The following RMND5A variants were observed in gnomAD, a reference collection of about 807,000 sequenced individuals.
RMND5A encodes the protein E3 ubiquitin-protein transferase RMND5A.
RMND5A carries 17 observed loss-of-function variants against 49.7 expected under a neutral mutation model. The observed-to-expected ratio is 0.34, with a 90% CI of 0.23 to 0.51. The LOEUF (loss-of-function observed/expected upper bound fraction) is 0.51, where lower values mean the gene tolerates loss of function less well. Ranked by LOEUF, RMND5A falls within the 20% of genes least tolerant of loss-of-function variation. The pLI is 0.96. For synonymous variants in RMND5A, 156 were observed against 167.7 expected (o/e 0.93, Z 0.54); for missense variants, 255 against 471.3 (o/e 0.54, Z 4.25).
At chr2:86,758,984 C>G (rs978776028) in intron 4 of RMND5A, among the ~76,000 whole-genome samples, 1 of 152,188 alleles carries the variant, frequency 6.6e-6, no homozygotes, top group Non-Finnish European at 1.5e-5. Flanking sequence ...GCTTTTACCC[C>G]CAAGAGTATA....
intron 4 of RMND5A, among the ~76,000 whole-genome samples, chr2:86,756,471 CTG>C (rs1222024480): frequency 2.6e-5 from 4 of 152,318 alleles, no homozygotes; most frequent in Admixed American, 2.6e-4. Flanking sequence ...AGTGTTTTCT[CTG>C]TGTATTTGAC....
At chr2:86,721,445 A>G (rs913622520) in intron 1 of RMND5A, among the ~76,000 whole-genome samples, 35 of 151,944 alleles carry the variant, frequency 2.3e-4, no homozygotes, top group Non-Finnish European at 3.8e-4. Flanking sequence ...AAACCAGCTC[A>G]ATTCAACCCT....
intron 6 of RMND5A, among the ~76,000 whole-genome samples, chr2:86,767,137 C>A (rs1181457223): frequency 1.3e-5 from 2 of 152,140 alleles, no homozygotes; most frequent in East Asian, 3.9e-4. Flanking sequence ...AATCTCAGCT[C>A]ACTGCAGCCT....
In RMND5A at chr2:86,776,659, C is replaced by T. The variant is rs1672774694; in HGVS notation, c.*3248C>T. The T allele has an allele frequency of 6.6e-6, 1 of 152,210 alleles. No individual in the cohort carries two copies. Among genetic ancestry groups the T allele is most frequent in the African/African-American group, 2.4e-5 (1 of 41,444 alleles). The allele number at this position is 152,210 out of a possible 1,614,324, so 9.4% of individuals were successfully genotyped here. ...ACAAGCTGCTGGTAGACTACATTAG[C>T]CCTCTGGTTTTCCAGCTCAACCTCT... On this transcript the variant is annotated 3_prime_UTR_variant, in exon 9 of 9. Coordinates refer to ENST00000283632, the MANE Select transcript of RMND5A (RefSeq NM_022780.4).
intron 2 of RMND5A, among the ~76,000 whole-genome samples, chr2:86,746,353 C>A (rs1490539978): frequency 6.6e-6 from 1 of 152,192 alleles, no homozygotes; most frequent in African/African-American, 2.4e-5. Flanking sequence ...GGTTTGGTGG[C>A]AACCTGGCCC....
At chr2:86,759,561 T>C (rs1344895634) in intron 4 of RMND5A, among the ~76,000 whole-genome samples, 1 of 151,926 alleles carries the variant, frequency 6.6e-6, no homozygotes, top group Non-Finnish European at 1.5e-5. Context: ...GATCAGAATT[T>C]TTTTAAAAAA....
chr2:86,749,578 C>G (rs147887275), intron 2 of RMND5A, among the ~76,000 whole-genome samples: 3 of 151,904 alleles, frequency 2.0e-5, no homozygotes, highest in African/African-American at 2.4e-5. Flanking sequence ...TTAGTAGAGA[C>G]GAGGTTTCAC....
In RMND5A at chr2:86,773,459, G is replaced by A. The variant is rs1386508558; in HGVS notation, c.*48G>A. The A allele has an allele frequency of 3.3e-6, 4 of 1,212,826 alleles. No homozygotes were observed. Among genetic ancestry groups the A allele is most frequent in the South Asian group, 1.2e-5 (1 of 82,244 alleles). The allele number at this position is 1,212,826 out of a possible 1,614,324, so 75.1% of individuals were successfully genotyped here. On this transcript the variant is annotated 3_prime_UTR_variant, in exon 9 of 9. Transcript: ENST00000283632. ...TTGTAAGTGAAACTGAATCGTGGGT[G>A]CATTTCAGAAGAGAACGTTCCATAT...
chr2:86,770,154 CTT>C (rs759471261), intron 7 of RMND5A, 29 bp downstream of exon 7: 9 of 1,391,632 alleles, frequency 6.5e-6, no homozygotes, highest in Non-Finnish European at 9.2e-6. Flanking sequence ...TGGCTATTTA[CTT>C]TTACTGCCAT....
intron 1 of RMND5A, among the ~76,000 whole-genome samples, chr2:86,724,058 A>G (rs1490506228): frequency 1.3e-5 from 2 of 151,176 alleles, no homozygotes; most frequent in Admixed American, 1.3e-4. Flanking sequence ...ACCTCTGGCC[A>G]AATCCGTCAG....
At chr2:86,757,205 A>AT in intron 4 of RMND5A, among the ~76,000 whole-genome samples, 1 of 147,300 alleles carries the variant, frequency 6.8e-6, no homozygotes. Flanking sequence ...AAAAAAAAAA[A>AT]AAGTGGAGGT....
intron 6 of RMND5A, among the ~76,000 whole-genome samples, chr2:86,766,661 C>CAAAAAAAAAAAAAA (rs59511898): frequency 1.6e-4 from 12 of 76,906 alleles, no homozygotes; most frequent in South Asian, 8.5e-4. Context: ...GAGACTGTCT[C>CAAAAAAAAAAAAAA]AAAAAAAAAA....
intron 3 of RMND5A, among the ~76,000 whole-genome samples, chr2:86,753,039 G>A (rs1312411417): frequency 2.0e-5 from 3 of 152,130 alleles, no homozygotes; most frequent in Non-Finnish European, 2.9e-5. Context: ...GTAGTAAGAC[G>A]TCCACAGCAT....
chr2:86,753,674 G>A lies in RMND5A; in HGVS notation c.521+116G>A. 5 of 524,146 alleles carry A rather than the reference G, an allele frequency of 9.5e-6. No homozygotes were observed. The South Asian group carries it at 1.9e-4, about 20-fold the overall frequency. 32.5% of individuals were successfully genotyped at this position (524,146 alleles called of 1,614,324 possible). A position where few individuals can be genotyped will look rare whatever the true frequency, so the allele number is the denominator to read the frequency against. Reference sequence around the variant, plus strand: ...TTTATCTTACCTGTGGTAGACTTCAGAGAAATCAAAGGAGAATTATTTTAT... The same window carrying A: ...TTTATCTTACCTGTGGTAGACTTCAAAGAAATCAAAGGAGAATTATTTTAT... On this transcript the variant is annotated intron_variant, in intron 4 of 8. Coordinates refer to ENST00000283632, the MANE Select transcript of RMND5A (RefSeq NM_022780.4).
At chr2:86,721,513 A>G (rs533584951) in intron 1 of RMND5A, among the ~76,000 whole-genome samples, 133 of 152,040 alleles carry the variant, frequency 8.7e-4, no homozygotes, top group African/African-American at 3.0e-3. Flanking sequence ...ACATTTGCCC[A>G]AGTAAATTGT....
At chr2:86,761,379 T>A (rs1463401301) in intron 4 of RMND5A, among the ~76,000 whole-genome samples, 1 of 152,200 alleles carries the variant, frequency 6.6e-6, no homozygotes, top group Non-Finnish European at 1.5e-5. Context: ...TATGCTTATT[T>A]GGCCAGTTAA....
Position 86,777,413 on chromosome 2 carries a change from G to C in RMND5A, c.*4002G>C, listed in dbSNP as rs1377425400. ...GAAGCAGAAGAAAATGGGAGTGTGA[G>C]TGAGTGTGCATGTGTCTGAAGTTCA... is the stretch of plus-strand genomic sequence containing the variant. On this transcript the variant is annotated 3_prime_UTR_variant, in exon 9 of 9. Transcript: ENST00000283632. The C allele has an allele frequency of 6.6e-6, 1 of 152,192 alleles. No homozygotes were observed. The highest frequency in any genetic ancestry group is 2.4e-5 in the African/African-American group (1 of 41,448). The allele number at this position is 152,192 out of a possible 1,614,324, so 9.4% of individuals were successfully genotyped here. A position where few individuals can be genotyped will look rare whatever the true frequency, so the allele number is the denominator to read the frequency against.
chr2:86,751,892 C>T lies in RMND5A; in HGVS notation c.286-4C>T. On this transcript the variant is annotated splice_region_variant and splice_polypyrimidine_tract_variant and intron_variant, in intron 2 of 8. Transcript: ENST00000283632. ...ATGATTCCCTTTCTCTTTCTTTTCCCCAGAATTTTGATTCTGACATTAGCA... is the reference window on the plus strand; with the variant it reads ...ATGATTCCCTTTCTCTTTCTTTTCCTCAGAATTTTGATTCTGACATTAGCA... 6.2e-7 allele frequency: 1 copy of T among 1,608,908 alleles called. No homozygotes were observed. The highest frequency in any genetic ancestry group is 1.7e-4 in the Middle Eastern group (1 of 5,986).
Position 86,773,345 on chromosome 2 carries a change from TAGATTAA to T in RMND5A, c.1113-1_1118del. The T allele has an allele frequency of 6.3e-7, 1 of 1,589,414 alleles. No individual in the cohort carries two copies. Among genetic ancestry groups the T allele is most frequent in the Non-Finnish European group, 8.6e-7 (1 of 1,157,900 alleles). On this transcript the variant is annotated splice_acceptor_variant and coding_sequence_variant, in exon 9 of 9. Transcript: ENST00000283632. LOFTEE classifies it high-confidence loss of function. ...CACTCAGTGTTTTCTTCTTTGTCTT[TAGATTAA>T]AATGTCCCTACTGTCCAATGGAACA...
Sources: allele counts gnomAD v4.1 joint callset (sites outside exome capture counted in the v4.1 genomes callset), GRCh38; gene constraint gnomAD v4.1.1; transcripts MANE v1.5; gene names NCBI Gene and HGNC (gene_info 2026-07-23, HGNC 2026-07-21).